The following CLASP2 variants were observed in gnomAD, a reference collection of about 807,000 sequenced individuals.
The protein encoded by CLASP2 is cytoplasmic linker associated protein 2, also known as CLIP-associating protein 2.
CLASP2 carries 47 observed loss-of-function variants against 194.4 expected under a neutral mutation model. That is an observed-to-expected ratio of 0.24 (90% CI 0.19 to 0.31). The LOEUF is 0.31. CLASP2 is among the 10% of genes least tolerant of loss of function. The pLI is 1.00. For missense variants in CLASP2, 1,445 were observed against 1,823.6 expected, an observed-to-expected ratio of 0.79 and a Z score of 3.78; for synonymous variants, 619 against 633.5, an observed-to-expected ratio of 0.98 and a Z score of 0.34.
chr3:33,599,998 G>A (rs1239356794), intron 18 of CLASP2, among the ~76,000 whole-genome samples: 8 of 152,070 alleles, frequency 5.3e-5, no homozygotes, highest in Non-Finnish European at 1.2e-4. Context: ...GCTTTCTAGT[G>A]CACATTAAAG....
chr3:33,584,210 C>T (rs1450791004), intron 22 of CLASP2, among the ~76,000 whole-genome samples: 1 of 151,064 alleles, frequency 6.6e-6, no homozygotes, highest in African/African-American at 2.4e-5. Context: ...CCACAATAAC[C>T]TTTTCCTTTA....
At chr3:33,537,096 C>T (rs1370137837) in intron 33 of CLASP2, among the ~76,000 whole-genome samples, 4 of 152,058 alleles carry the variant, frequency 2.6e-5, no homozygotes, top group Admixed American at 2.0e-4. Context: ...GAGGTGATCA[C>T]CTGATTAGCT....
chr3:33,523,181 A>ACAT (rs577329028), intron 34 of CLASP2, among the ~76,000 whole-genome samples: 1 of 152,226 alleles, frequency 6.6e-6, no homozygotes, highest in East Asian at 1.9e-4. Flanking sequence ...GATATGTGAG[A>ACAT]CATCATCAAG....
intron 7 of CLASP2, among the ~76,000 whole-genome samples, chr3:33,650,963 G>A (rs2083078272): frequency 6.6e-6 from 1 of 152,104 alleles, no homozygotes; most frequent in Non-Finnish European, 1.5e-5. Context: ...CCCAACTTTT[G>A]TTTTGTCTTT....
chr3:33,665,740 T>C (rs928626046), intron 6 of CLASP2, among the ~76,000 whole-genome samples: 2 of 152,196 alleles, frequency 1.3e-5, no homozygotes, highest in African/African-American at 4.8e-5. Context: ...TGGCCCTCAC[T>C]GAATCCCTCC....
At chr3:33,588,019 G>A (rs1038251014) in intron 21 of CLASP2, among the ~76,000 whole-genome samples, 4 of 152,128 alleles carry the variant, frequency 2.6e-5, no homozygotes, top group Non-Finnish European at 5.9e-5. Context: ...TTCAGAAACA[G>A]AGTAACTTCT....
At chr3:33,540,338 A>G in intron 32 of CLASP2, among the ~76,000 whole-genome samples, 1 of 151,652 alleles carries the variant, frequency 6.6e-6, no homozygotes, top group East Asian at 1.9e-4. Flanking sequence ...CTAGGCTTAA[A>G]TAATCATCCT....
At chr3:33,505,345 C>T (rs1204939499) in intron 37 of CLASP2, 10 of 152,126 alleles carry the variant, frequency 6.6e-5, no homozygotes, top group African/African-American at 2.4e-5. Flanking sequence ...ATATGGGCCA[C>T]CATCATCAAG....
chr3:33,586,211 T>G (rs1470192397), intron 21 of CLASP2, among the ~76,000 whole-genome samples: 1 of 151,992 alleles, frequency 6.6e-6, no homozygotes, highest in Non-Finnish European at 1.5e-5. Context: ...CTCGGCTCAC[T>G]GCAACTTCCG....
At chr3:33,503,488 T>C (rs1055323184) in intron 37 of CLASP2, 1 of 151,826 alleles carries the variant, frequency 6.6e-6, no homozygotes, top group African/African-American at 2.4e-5. Flanking sequence ...GACTGCAGTA[T>C]GTGATCTCAG....
chr3:33,609,735 C>G (rs905698175), intron 13 of CLASP2, among the ~76,000 whole-genome samples: 2 of 152,158 alleles, frequency 1.3e-5, no homozygotes, highest in African/African-American at 4.8e-5. Context: ...GTATCTCCAG[C>G]ATTGATGTAT....
intron 32 of CLASP2, 139 bp from the exon 33 acceptor site, chr3:33,539,081 T>C (rs1424254398): frequency 8.7e-6 from 5 of 572,088 alleles, no homozygotes; most frequent in Non-Finnish European, 1.4e-5. Flanking sequence ...AAATAAAAAA[T>C]AGCAGCTATA....
At chr3:33,690,823 A>G (rs150802003) in intron 2 of CLASP2, among the ~76,000 whole-genome samples, 36 of 152,270 alleles carry the variant, frequency 2.4e-4, no homozygotes, top group East Asian at 1.5e-3. Context: ...GTCCCTTAGT[A>G]GCTGTTTTGG....
intron 32 of CLASP2, among the ~76,000 whole-genome samples, chr3:33,541,367 G>A (rs1372656866): frequency 1.3e-5 from 2 of 152,050 alleles, no homozygotes; most frequent in African/African-American, 4.8e-5. Flanking sequence ...TTCAGGATGT[G>A]CAGACTTGTT....
intron 6 of CLASP2, among the ~76,000 whole-genome samples, chr3:33,678,419 A>G (rs1386873212): frequency 6.6e-6 from 1 of 152,178 alleles, no homozygotes; most frequent in African/African-American, 2.4e-5. Flanking sequence ...GATAAAAACT[A>G]CATCCCACTT....
chr3:33,510,699 G>C lies in CLASP2; in HGVS notation c.4176C>G (p.Ile1392Met), dbSNP rs1392160914. 6.2e-7 allele frequency: 1 copy of C among 1,613,492 alleles called. No individual in the cohort carries two copies. The highest frequency in any genetic ancestry group is 8.5e-7 in the Non-Finnish European group (1 of 1,179,714). ...LATSISPEQCIKVLCPIIQTA... is the reference protein window; with the variant it reads ...LATSISPEQCMKVLCPIIQTA... ...TTTGAATGATAGGACAAAGCACTTT[G>C]ATGCACTGCTCTGGACTAATTGAAG... Residue 1392 changes from isoleucine (I) to methionine (M), a missense_variant, in exon 37 of 39, where the codon ATC becomes ATG. Transcript: ENST00000682230.
At chr3:33,708,058 T>C (rs2092776516) in intron 1 of CLASP2, among the ~76,000 whole-genome samples, 1 of 152,174 alleles carries the variant, frequency 6.6e-6, no homozygotes, top group South Asian at 2.1e-4. Flanking sequence ...GGGCTCCTCC[T>C]TCCCCATCTG....
At chr3:33,671,949 C>T (rs985271399) in intron 6 of CLASP2, among the ~76,000 whole-genome samples, 9 of 152,234 alleles carry the variant, frequency 5.9e-5, no homozygotes, top group African/African-American at 2.2e-4. Context: ...GAAGCTCCAA[C>T]TGGGTGGAGC....
intron 5 of CLASP2, among the ~76,000 whole-genome samples, chr3:33,685,775 G>A (rs1326292719): frequency 7.7e-6 from 1 of 129,266 alleles, no homozygotes; most frequent in East Asian, 2.6e-4. Context: ...CACAAAGACA[G>A]AAAGGAGAAT....
Sources: gnomAD v4.1 joint callset for allele counts (sites outside exome capture counted in the v4.1 genomes callset) on GRCh38, gnomAD v4.1.1 for gene constraint, MANE v1.5 for transcripts, NCBI Gene and HGNC (gene_info 2026-07-23, HGNC 2026-07-21) for gene names.